LRRC41: variants seen among roughly 807,000 people sequenced by gnomAD.
The protein encoded by LRRC41 is leucine rich repeat containing 41, also known as leucine-rich repeat-containing protein 41.
A neutral mutation model predicts 72.1 loss-of-function variants in LRRC41; 17 were observed. That is an observed-to-expected ratio of 0.24 (90% CI 0.16 to 0.35). LRRC41 has a LOEUF of 0.35. Among genes scored for constraint, LRRC41 ranks in the 10% least tolerant of loss-of-function variants. The probability of loss-of-function intolerance (pLI) is 1.00; values close to 1 mark genes in which losing one functional copy is unlikely to be tolerated. For missense variants in LRRC41, 759 were observed against 1,065.0 expected (o/e 0.71, Z 4.00); for synonymous variants, 427 against 431.0 (o/e 0.99, Z 0.11).
At chr1:46,301,508 A>G (rs1406683630) in intron 1 of LRRC41, among the ~76,000 whole-genome samples, 2 of 149,664 alleles carry the variant, frequency 1.3e-5, no homozygotes, top group East Asian at 4.1e-4. Flanking sequence ...ACACCGGCCG[A>G]CTTCTAAAAG....
chr1:46,303,453 G>C lies in LRRC41; in HGVS notation c.-131C>G. 1 of 930,926 alleles carries C rather than the reference G, an allele frequency of 1.1e-6. No individual in the cohort carries two copies. The highest frequency in any genetic ancestry group is 1.6e-6 in the Non-Finnish European group (1 of 643,202). 57.7% of individuals were successfully genotyped at this position (930,926 alleles called of 1,614,324 possible). ...TTCTAAAGAAATTTCGAAGAAATTAGCACACTTTCCAAGTCTCTTAGGAGC... is the reference window on the plus strand; with the variant it reads ...TTCTAAAGAAATTTCGAAGAAATTACCACACTTTCCAAGTCTCTTAGGAGC... On this transcript the variant is annotated 5_prime_UTR_variant, in exon 1 of 10. Coordinates refer to ENST00000617190, the MANE Select transcript of LRRC41 (RefSeq NM_006369.5).
In LRRC41 at chr1:46,297,551, A is replaced by C; in HGVS notation, c.357+12T>G. The C allele has an allele frequency of 3.1e-6, 5 of 1,611,988 alleles. No individual in the cohort carries two copies. The highest frequency in any genetic ancestry group is 4.2e-6 in the Non-Finnish European group (5 of 1,178,116). On this transcript the variant is annotated intron_variant, in intron 3 of 9. Coordinates refer to ENST00000617190, the MANE Select transcript of LRRC41 (RefSeq NM_006369.5). ...AAATCAGGCTAGCATTCTACCTGAT[A>C]CCTTAACTTACTTCCAAACTGGAAG...
intron 3 of LRRC41, among the ~76,000 whole-genome samples, chr1:46,290,333 T>C (rs1305704620): frequency 6.6e-6 from 1 of 152,078 alleles, no homozygotes; most frequent in Non-Finnish European, 1.5e-5. Context: ...CGCCTGAGCC[T>C]GGGAGGTTGA....
chr1:46,283,363 A>G (rs1660819009), intron 4 of LRRC41, among the ~76,000 whole-genome samples: 1 of 152,238 alleles, frequency 6.6e-6, no homozygotes, highest in African/African-American at 2.4e-5. Flanking sequence ...TCATGACTAT[A>G]ATCTCAGCAC....
chr1:46,294,912 A>G (rs1468346457), intron 3 of LRRC41, among the ~76,000 whole-genome samples: 1 of 151,878 alleles, frequency 6.6e-6, no homozygotes, highest in Non-Finnish European at 1.5e-5. Context: ...TGTTTATACA[A>G]AAGTCATTAG....
intron 2 of LRRC41, 67 bp from the exon 3 acceptor site, chr1:46,297,700 T>C: frequency 8.6e-7 from 1 of 1,165,388 alleles, no homozygotes; most frequent in Non-Finnish European, 1.3e-6. Flanking sequence ...CAACCTTTCA[T>C]GTTGTCTTCT....
intron 4 of LRRC41, among the ~76,000 whole-genome samples, chr1:46,282,948 C>T (rs932866250): frequency 3.3e-5 from 5 of 150,770 alleles, no homozygotes; most frequent in East Asian, 1.9e-4. Context: ...TGCTTGGACC[C>T]GAGAGGCGGA....
intron 3 of LRRC41, among the ~76,000 whole-genome samples, chr1:46,289,806 T>C (rs1398219476): frequency 6.6e-6 from 1 of 152,140 alleles, no homozygotes; most frequent in Admixed American, 6.5e-5. Context: ...TGAGAGATGC[T>C]TGAGATCTAG....
At chr1:46,287,637 G>A (rs999716264) in intron 3 of LRRC41, among the ~76,000 whole-genome samples, 3 of 152,130 alleles carry the variant, frequency 2.0e-5, no homozygotes, top group Non-Finnish European at 4.4e-5. Flanking sequence ...GTCACCCCAC[G>A]GACTTGAACC....
rs994253887 is a variant in LRRC41, at chr1:46,303,495, C to A, written c.-173G>T. 9.3e-6 allele frequency: 7 copies of A among 756,160 alleles called. No individual in the cohort carries two copies. The highest frequency in any genetic ancestry group is 1.8e-5 in the African/African-American group (1 of 56,568). The allele number at this position is 756,160 out of a possible 1,614,324, so 46.8% of individuals were successfully genotyped here. Reference sequence around the variant, plus strand: ...CTTAGGAGCTACTATTTTAGATAAACTCCTAGATCAATTATACTTGGGTGT... The same window carrying A: ...CTTAGGAGCTACTATTTTAGATAAAATCCTAGATCAATTATACTTGGGTGT... On this transcript the variant is annotated 5_prime_UTR_variant, in exon 1 of 10. Coordinates refer to ENST00000617190, the MANE Select transcript of LRRC41 (RefSeq NM_006369.5).
chr1:46,297,470 T>C, intron 3 of LRRC41, 93 bp downstream of exon 3: 1 of 1,008,802 alleles, frequency 9.9e-7, no homozygotes, highest in East Asian at 2.4e-5. Flanking sequence ...TCATTGCCTC[T>C]GCACTTTATC....
chr1:46,291,552 G>GTTTTTTTTTT (rs1219656700), intron 3 of LRRC41, among the ~76,000 whole-genome samples: 4 of 84,946 alleles, frequency 4.7e-5, no homozygotes, highest in Non-Finnish European at 6.6e-5. Context: ...GCCCCAGCTG[G>GTTTTTTTTTT]TTTTTTTTTT....
At chr1:46,297,295 C>T in intron 3 of LRRC41, 1 of 377,248 alleles carries the variant, frequency 2.7e-6, no homozygotes, top group South Asian at 4.1e-5. Context: ...TGCACCAACA[C>T]CATCAAGAAC....
chr1:46,296,124 G>T (rs913770942), intron 3 of LRRC41, among the ~76,000 whole-genome samples: 1 of 152,086 alleles, frequency 6.6e-6, no homozygotes, highest in Non-Finnish European at 1.5e-5. Context: ...TATTAAACTG[G>T]TAGGTCCTTG....
intron 4 of LRRC41, chr1:46,284,258 GGA>G (rs1237113826): frequency 6.6e-6 from 1 of 152,244 alleles, no homozygotes; most frequent in Non-Finnish European, 1.5e-5. Flanking sequence ...AATGCTGATA[GGA>G]GAGAGACGGT....
At chr1:46,291,846 C>T (rs1661025692) in intron 3 of LRRC41, among the ~76,000 whole-genome samples, 1 of 151,436 alleles carries the variant, frequency 6.6e-6, no homozygotes, top group Non-Finnish European at 1.5e-5. Flanking sequence ...AGGTGGGAGC[C>T]ACCACGCCCA....
At chr1:46,283,296 G>GAGAT (rs766964346) in intron 4 of LRRC41, among the ~76,000 whole-genome samples, 1 of 152,136 alleles carries the variant, frequency 6.6e-6, no homozygotes, top group Non-Finnish European at 1.5e-5. Context: ...TAAGGATGTG[G>GAGAT]AGATAGAGAA....
At chr1:46,292,904 G>T (rs900482711) in intron 3 of LRRC41, among the ~76,000 whole-genome samples, 4 of 152,066 alleles carry the variant, frequency 2.6e-5, no homozygotes, top group African/African-American at 9.7e-5. Context: ...TAGCACTCTC[G>T]GCTGGGCACG....
rs751161388 is a variant in LRRC41, at chr1:46,281,248, G to C, written c.1633C>G (p.Arg545Gly). 6.2e-7 allele frequency: 1 copy of C among 1,614,194 alleles called. No homozygotes were observed. The change falls in exon 5 of 10, where the codon CGA becomes GGA. Residue 545 changes from arginine (R) to glycine (G), a missense_variant. Transcript: ENST00000617190. The stretch of plus-strand genomic sequence containing the variant: ...AGGACCCGTAGCAGGGGCAGTGCTC[G>C]CACGATAGCACGTGTCAGCTCCAGG... ...PILELTRAIV[R>G]ALPLLRVLSI...
Sources: allele counts gnomAD v4.1 joint callset (sites outside exome capture counted in the v4.1 genomes callset), GRCh38; gene constraint gnomAD v4.1.1; transcripts MANE v1.5; gene names NCBI Gene and HGNC (gene_info 2026-07-23, HGNC 2026-07-21).